The following ATP10A variants were observed in gnomAD, a reference collection of about 807,000 sequenced individuals.
ATP10A encodes the protein phospholipid-transporting ATPase VA.
In ATP10A, 111 loss-of-function variants were observed where a neutral mutation model predicts 147.8. That is an observed-to-expected ratio of 0.75 (90% confidence interval 0.64 to 0.88). The LOEUF is 0.88. Among genes scored for constraint, ATP10A ranks in the 40% least tolerant of loss-of-function variants. The probability of loss-of-function intolerance (pLI) is 0.00; values close to 1 mark genes in which losing one functional copy is unlikely to be tolerated. For synonymous variants in ATP10A, 875 were observed against 841.6 expected (o/e 1.04, Z -0.69); for missense variants, 1,927 against 1,959.0 (o/e 0.98, Z 0.31).
chr15:25,673,190 T>C (rs972175792), downstream of ATP10A, among the ~76,000 whole-genome samples: 1 of 152,112 alleles, frequency 6.6e-6, no homozygotes, highest in Non-Finnish European at 1.5e-5. Flanking sequence ...GGGTGGGTTT[T>C]ACAGGAGCAG....
intron 1 of ATP10A, among the ~76,000 whole-genome samples, chr15:25,838,108 G>A (rs1278917102): frequency 2.6e-5 from 4 of 152,194 alleles, no homozygotes; most frequent in Admixed American, 6.5e-5. Context: ...CCAACGTGTA[G>A]AGCAATGATG....
chr15:25,795,489 T>A (rs1890631973), intron 1 of ATP10A, among the ~76,000 whole-genome samples: 1 of 152,204 alleles, frequency 6.6e-6, no homozygotes, highest in Non-Finnish European at 1.5e-5. Flanking sequence ...AGAACTGTTT[T>A]AACATTTTTG....
At chr15:25,735,232 G>C (rs1596786507) in intron 3 of ATP10A, among the ~76,000 whole-genome samples, 1 of 152,192 alleles carries the variant, frequency 6.6e-6, no homozygotes. Context: ...TCATGCCCCT[G>C]TCACAGCCTT....
chr15:25,752,864 T>C (rs776182399), intron 2 of ATP10A, among the ~76,000 whole-genome samples: 84 of 152,326 alleles, frequency 5.5e-4, no homozygotes, highest in Middle Eastern at 3.4e-3. Context: ...TTTCAGTATA[T>C]GTGTCTTTCA....
At chr15:25,834,301 A>G (rs1359615908) in intron 1 of ATP10A, among the ~76,000 whole-genome samples, 1 of 152,244 alleles carries the variant, frequency 6.6e-6, no homozygotes, top group Non-Finnish European at 1.5e-5. Flanking sequence ...AAAAACTGCA[A>G]CTAAATAATA....
chr15:25,814,931 T>G (rs1375331445), intron 1 of ATP10A, among the ~76,000 whole-genome samples: 2 of 152,154 alleles, frequency 1.3e-5, no homozygotes, highest in Non-Finnish European at 2.9e-5. Context: ...CACATGCATT[T>G]TTGTGTATGG....
chr15:25,782,849 T>C (rs1036801614), intron 1 of ATP10A, among the ~76,000 whole-genome samples: 3 of 152,050 alleles, frequency 2.0e-5, no homozygotes, highest in African/African-American at 4.8e-5. Flanking sequence ...CTTGGAAACA[T>C]ACCTTGGAGA....
Position 25,713,734 on chromosome 15 carries a change from T to C in ATP10A, c.2284A>G (p.Asn762Asp). 1 of 1,614,108 alleles carries C rather than the reference T, an allele frequency of 6.2e-7. No homozygotes were observed. The highest frequency in any genetic ancestry group is 8.5e-7 in the Non-Finnish European group (1 of 1,180,020). The change falls in exon 10 of 21, where the codon AAC becomes GAC. Residue 762 changes from asparagine to aspartate, a missense_variant. Asn to Asp is a conservative substitution (Grantham distance 23, BLOSUM62 1). Transcript: ENST00000555815. The stretch of plus-strand genomic sequence containing the variant: ...GAGTCGGCCCCCTTGGTGTAGACGT[T>C]GATCTCATCGGTAAGCGGGTGCCGG... The part of the protein sequence containing the change: ...VIRHPLTDEI[N>D]VYTKGADSVV...
chr15:25,777,092 C>CATGCGTGTGTGTGT (rs1307153179), intron 2 of ATP10A, among the ~76,000 whole-genome samples: 3 of 92,062 alleles, frequency 3.3e-5, no homozygotes. Flanking sequence ...TGTGTGCATA[C>CATGCGTGTGTGTGT]GTGCGTGTGT....
intron 13 of ATP10A, among the ~76,000 whole-genome samples, chr15:25,697,628 G>A (rs1900412794): frequency 6.6e-6 from 1 of 152,212 alleles, no homozygotes; most frequent in Non-Finnish European, 1.5e-5. Context: ...AGAAATTTGT[G>A]ACAGAAATAC....
intron 1 of ATP10A, chr15:25,848,616 C>T (rs1419606445): frequency 6.5e-6 from 1 of 153,970 alleles, no homozygotes; most frequent in East Asian, 1.9e-4. Context: ...CTTTCAAAGC[C>T]AACAATGGCA....
intron 1 of ATP10A, among the ~76,000 whole-genome samples, chr15:25,842,023 G>T (rs1390444543): frequency 6.6e-6 from 1 of 152,176 alleles, no homozygotes; most frequent in African/African-American, 2.4e-5. Flanking sequence ...TAAATGCTCT[G>T]TATAAAGGAG....
Position 25,714,007 on chromosome 15 carries a change from T to C in ATP10A, c.2011A>G (p.Ser671Gly). ...GAGGCCCAGTTGTCCGCCTGGCTGCTGTAGCCGTTGCTGGCGATGGCCGAG... is the reference window on the plus strand; with the variant it reads ...GAGGCCCAGTTGTCCGCCTGGCTGCCGTAGCCGTTGCTGGCGATGGCCGAG... ...PTSAIASNGYSSQADNWASEL... is the reference protein window; with the variant it reads ...PTSAIASNGYGSQADNWASEL... The change falls in exon 10 of 21, where the codon AGC (serine) becomes GGC (glycine). Residue 671 changes from serine (S) to glycine (G), a missense_variant. Transcript: ENST00000555815. 2.9e-5 allele frequency: 47 copies of C among 1,610,324 alleles called. No individual in the cohort carries two copies. Among genetic ancestry groups the C allele is most frequent in the Non-Finnish European group, 4.0e-5 (47 of 1,179,900 alleles).
intron 16 of ATP10A, 38 bp from the exon 17 acceptor site, chr15:25,683,524 T>C (rs1322848285): frequency 6.4e-6 from 10 of 1,563,564 alleles, no homozygotes; most frequent in African/African-American, 1.4e-5. Context: ...CAGGCGAGTC[T>C]TCAGCCATTG....
At chr15:25,808,337 T>C (rs1310569576) in intron 1 of ATP10A, among the ~76,000 whole-genome samples, 1 of 152,230 alleles carries the variant, frequency 6.6e-6, no homozygotes, top group Non-Finnish European at 1.5e-5. Context: ...ACAACAGCTC[T>C]CATAGAAACA....
chr15:25,702,974 G>A (rs1244163117), intron 12 of ATP10A, among the ~76,000 whole-genome samples: 6 of 152,138 alleles, frequency 3.9e-5, no homozygotes, highest in Non-Finnish European at 5.9e-5. Context: ...CAGTGTGGTA[G>A]TATTAGGATG....
At chr15:25,791,372 T>A (rs1890416508) in intron 1 of ATP10A, among the ~76,000 whole-genome samples, 1 of 152,082 alleles carries the variant, frequency 6.6e-6, no homozygotes, top group Non-Finnish European at 1.5e-5. Context: ...TCTTCTGATT[T>A]ATTTAGTTAG....
chr15:25,685,170 C>G (rs890149266), intron 16 of ATP10A, among the ~76,000 whole-genome samples: 2 of 152,188 alleles, frequency 1.3e-5, no homozygotes, highest in Non-Finnish European at 2.9e-5. Flanking sequence ...GGAAACCTTT[C>G]TTCTCTGCTT....
At chr15:25,844,925 T>A (rs1892952542) in intron 1 of ATP10A, among the ~76,000 whole-genome samples, 1 of 152,198 alleles carries the variant, frequency 6.6e-6, no homozygotes, top group African/African-American at 2.4e-5. Flanking sequence ...CCATCCCCAG[T>A]CACTGTGTGC....
Sources: gnomAD v4.1 joint callset for allele counts (sites outside exome capture counted in the v4.1 genomes callset) on GRCh38, gnomAD v4.1.1 for gene constraint, MANE v1.5 for transcripts, NCBI Gene and HGNC (gene_info 2026-07-23, HGNC 2026-07-21) for gene names.